CFAP299: variants seen among roughly 807,000 people sequenced by gnomAD.
CFAP299 encodes the protein cilia- and flagella-associated protein 299.
In CFAP299, 21 loss-of-function variants were observed where a neutral mutation model predicts 27.0. The ratio of observed to expected loss-of-function variants is 0.78; its 90% CI spans 0.55 to 1.12. The LOEUF is 1.12. Ranked by LOEUF, CFAP299 falls within the 50% of genes most tolerant of loss-of-function variation. CFAP299 has a pLI of 0.00. For synonymous variants in CFAP299, 104 were observed against 98.1 expected, an observed-to-expected ratio of 1.06 and a Z score of -0.36; for missense variants, 310 against 276.6, an observed-to-expected ratio of 1.12 and a Z score of -0.86.
intron 2 of CFAP299, among the ~76,000 whole-genome samples, chr4:80,418,146 G>GC (rs748101242): frequency 6.6e-6 from 1 of 152,158 alleles, no homozygotes; most frequent in Non-Finnish European, 1.5e-5. Flanking sequence ...CTGGGCCACT[G>GC]CACAGTCTGG....
Position 80,754,427 on chromosome 4 carries a change from T to C in CFAP299, c.334-115566T>C, listed in dbSNP as rs768084367. On this transcript the variant is annotated intron_variant, in intron 3 of 5. Transcript: ENST00000358105. ...GGAGATAGAAGCATTCTTGATTGTATTGATTAAGCCTTGGTCTTAGGCAGC... is the reference window on the plus strand; with the variant it reads ...GGAGATAGAAGCATTCTTGATTGTACTGATTAAGCCTTGGTCTTAGGCAGC... Among the ~76,000 whole-genome samples, 145 of 152,242 alleles carry C rather than the reference T, an allele frequency of 9.5e-4. 2 individuals are homozygous for C. Among genetic ancestry groups the C allele is most frequent in the Non-Finnish European group, 1.3e-3 (88 of 67,980 alleles).
intron 3 of CFAP299, among the ~76,000 whole-genome samples, chr4:80,848,407 T>C (rs1731302434): frequency 6.6e-6 from 1 of 152,174 alleles, no homozygotes; most frequent in Non-Finnish European, 1.5e-5. Flanking sequence ...AGACGCCTAT[T>C]GCTTCTAGGC....
chr4:80,643,390 C>A (rs1453986235), intron 3 of CFAP299, among the ~76,000 whole-genome samples: 2 of 152,036 alleles, frequency 1.3e-5, no homozygotes, highest in African/African-American at 4.8e-5. Flanking sequence ...GACAACTGTG[C>A]TACTTATTAG....
rs930001514 is a variant in CFAP299 at position 80,836,894 on chromosome 4, T to TA, written c.334-33091dup. ...TACCTTTATTTTGTAGTCACTCAAT[T>TA]AAAAAAAAGTTTTCACTGAAAGCAT... On this transcript the variant is annotated intron_variant, in intron 3 of 5. Coordinates refer to ENST00000358105, the MANE Select transcript of CFAP299 (RefSeq NM_152770.3). Among the ~76,000 whole-genome samples the TA allele has an allele frequency of 1.4e-4, 21 of 151,910 alleles. 1 individual carries two copies. The highest frequency in any genetic ancestry group is 1.9e-4 in the Non-Finnish European group (13 of 67,948).
intron 2 of CFAP299, among the ~76,000 whole-genome samples, chr4:80,408,947 G>A (rs1363791089): frequency 6.6e-6 from 1 of 151,430 alleles, no homozygotes; most frequent in Non-Finnish European, 1.5e-5. Flanking sequence ...AGGCATTGGT[G>A]GTGTGTGCTT....
At chr4:80,754,197 G>A (rs1452740670) in intron 3 of CFAP299, among the ~76,000 whole-genome samples, 1 of 152,024 alleles carries the variant, frequency 6.6e-6, no homozygotes, top group African/African-American at 2.4e-5. Context: ...TATTATTAGT[G>A]CGCCATGGGC....
intron 3 of CFAP299, among the ~76,000 whole-genome samples, chr4:80,797,332 G>A (rs1198278483): frequency 2.0e-5 from 3 of 152,096 alleles, no homozygotes; most frequent in Non-Finnish European, 2.9e-5. Context: ...TGACTGAGGG[G>A]CCATGATTCT....
At chr4:80,726,374 C>T (rs1723162676) in intron 3 of CFAP299, among the ~76,000 whole-genome samples, 1 of 152,056 alleles carries the variant, frequency 6.6e-6, no homozygotes, top group Admixed American at 6.6e-5. Context: ...ATTAAGTAGT[C>T]ATTGATACTT....
intron 4 of CFAP299, among the ~76,000 whole-genome samples, chr4:80,911,455 G>A (rs1735468941): frequency 6.6e-6 from 1 of 152,004 alleles, no homozygotes; most frequent in Admixed American, 6.6e-5. Flanking sequence ...TCTGCCTCAA[G>A]TTTAGTATTA....
upstream of CFAP299, among the ~76,000 whole-genome samples, chr4:80,331,232 G>A (rs1195126415): frequency 6.6e-6 from 1 of 152,194 alleles, no homozygotes; most frequent in African/African-American, 2.4e-5. Flanking sequence ...GGTGTGGCTG[G>A]AACATGTAAC....
chr4:80,685,025 ATATAT>A (rs1246228506), intron 3 of CFAP299, among the ~76,000 whole-genome samples: 2 of 152,198 alleles, frequency 1.3e-5, no homozygotes, highest in Non-Finnish European at 2.9e-5. Context: ...TATAATTTAA[ATATAT>A]TAGAAAATCA....
At chr4:80,605,437 T>C (rs1737606700) in intron 3 of CFAP299, among the ~76,000 whole-genome samples, 1 of 152,176 alleles carries the variant, frequency 6.6e-6, no homozygotes. Flanking sequence ...TTACTTTAAA[T>C]ACAGACTGGA....
chr4:80,592,342 T>C (rs558570057), intron 3 of CFAP299, among the ~76,000 whole-genome samples: 12 of 152,314 alleles, frequency 7.9e-5, no homozygotes, highest in African/African-American at 2.9e-4. Flanking sequence ...TATTTGACCC[T>C]TGATGCAAAA....
At chr4:80,387,755 C>G (rs17004890) in intron 2 of CFAP299, 1 of 1,588,708 alleles carries the variant, frequency 6.3e-7, no homozygotes, top group Non-Finnish European at 8.6e-7. Flanking sequence ...TGCTGCAGGT[C>G]GAAGTTTTTG....
chr4:80,473,504 A>G (rs1179352791), intron 2 of CFAP299, among the ~76,000 whole-genome samples: 1 of 151,786 alleles, frequency 6.6e-6, no homozygotes, highest in East Asian at 1.9e-4. Context: ...CTCATGAAGT[A>G]TGTCTTTTAT....
chr4:80,837,436 GCC>G (rs1371431639), intron 3 of CFAP299, among the ~76,000 whole-genome samples: 1 of 151,882 alleles, frequency 6.6e-6, no homozygotes, highest in African/African-American at 2.4e-5. Context: ...CCTTCCCGTA[GCC>G]CCCCAACCCC....
At chr4:80,523,668 C>A (rs1055655531) in intron 2 of CFAP299, among the ~76,000 whole-genome samples, 3 of 152,124 alleles carry the variant, frequency 2.0e-5, no homozygotes, top group Admixed American at 2.0e-4. Context: ...GAACACCCAT[C>A]TTATCCTGCC....
intron 3 of CFAP299, among the ~76,000 whole-genome samples, chr4:80,657,542 G>T (rs1443608282): frequency 6.6e-6 from 1 of 152,022 alleles, no homozygotes; most frequent in Non-Finnish European, 1.5e-5. Flanking sequence ...GGTTGTAGAT[G>T]TGTGGAATTA....
At chr4:80,389,432 A>T (rs1438120399) in intron 2 of CFAP299, among the ~76,000 whole-genome samples, 1 of 152,154 alleles carries the variant, frequency 6.6e-6, no homozygotes, top group Non-Finnish European at 1.5e-5. Context: ...ACACCTGGGA[A>T]ATTAAAAATT....
Sources: gnomAD v4.1 joint callset for allele counts (sites outside exome capture counted in the v4.1 genomes callset) on GRCh38, gnomAD v4.1.1 for gene constraint, MANE v1.5 for transcripts, NCBI Gene and HGNC (gene_info 2026-07-23, HGNC 2026-07-21) for gene names.